INSYN2A: variants seen among roughly 807,000 people sequenced by gnomAD.
INSYN2A encodes the protein family with sequence similarity 196 member A.
Under a neutral mutation model 39.4 loss-of-function variants are expected in INSYN2A, and 17 were observed. That is an observed-to-expected ratio of 0.43 (90% CI 0.30 to 0.65). The LOEUF (loss-of-function observed/expected upper bound fraction) is 0.65. INSYN2A is among the 30% of genes least tolerant of loss of function. The pLI is 0.14. For synonymous variants in INSYN2A, 255 were observed against 265.7 expected, an observed-to-expected ratio of 0.96 and a Z score of 0.39; for missense variants, 595 against 631.2, an observed-to-expected ratio of 0.94 and a Z score of 0.61.
At chr10:127,192,441 G>T (rs2056822944) in intron 2 of INSYN2A, among the ~76,000 whole-genome samples, 164 bp downstream of exon 2, 2 of 152,222 alleles carry the variant, frequency 1.3e-5, no homozygotes, top group African/African-American at 4.8e-5. Flanking sequence ...TCAGCAGAAA[G>T]AGACACATTT....
In INSYN2A at chr10:127,175,575, G is replaced by A. The variant is rs754517108; in HGVS notation, c.821C>T (p.Ala274Val). The A allele has an allele frequency of 2.5e-6, 4 of 1,611,832 alleles. No individual in the cohort carries two copies. The East Asian group carries it at 8.9e-5, about 36-fold the overall frequency. ...RAPEPGLSDSAAASQWSLCPA... is the reference protein window; with the variant it reads ...RAPEPGLSDSVAASQWSLCPA... ...GCAGAGTGACCACTGGCTGGCGGCT[G>A]CAGAGTCTGACAAACCAGGCTCGGG... The change falls in exon 4 of 6, where the codon GCA becomes GTA. Residue 274 changes from alanine (A) to valine (V), a missense_variant. This residue lies in a region of INSYN2A where 478 missense variants were observed against 467.4 expected (regional missense o/e 1.02). Transcript: ENST00000522781. This position sits in a 1 kb window ranked among gnomAD's most constrained non-coding sequence, Gnocchi z 6.3.
chr10:127,181,406 T>A (rs1187680030), intron 2 of INSYN2A, among the ~76,000 whole-genome samples: 1 of 152,208 alleles, frequency 6.6e-6, no homozygotes, highest in Non-Finnish European at 1.5e-5. Flanking sequence ...ATGTCCGTGC[T>A]GATTTGCAGG....
At chr10:127,184,343 C>T (rs1240910360) in intron 2 of INSYN2A, among the ~76,000 whole-genome samples, 2 of 144,880 alleles carry the variant, frequency 1.4e-5, no homozygotes, top group African/African-American at 2.7e-5. Flanking sequence ...CCAAATCAGT[C>T]GTCACCATGC....
At chr10:127,139,120 A>C (rs1416433830) in intron 5 of INSYN2A, among the ~76,000 whole-genome samples, 1 of 152,164 alleles carries the variant, frequency 6.6e-6, no homozygotes, top group Non-Finnish European at 1.5e-5. Flanking sequence ...ATGTCAGTAG[A>C]TTTCAGTAAA....
intron 5 of INSYN2A, among the ~76,000 whole-genome samples, chr10:127,148,730 A>G (rs1404238002): frequency 1.3e-5 from 2 of 152,248 alleles, no homozygotes; most frequent in East Asian, 3.8e-4. Flanking sequence ...TTAGTAATTT[A>G]TCCACAAAAC....
chr10:127,148,879 C>T (rs1222379949), intron 5 of INSYN2A, among the ~76,000 whole-genome samples: 4 of 152,144 alleles, frequency 2.6e-5, no homozygotes, highest in East Asian at 1.9e-4. Context: ...GTAGCACAGT[C>T]GGTCTGCATC....
At chr10:127,195,211 C>T (rs1186578602) in intron 1 of INSYN2A, among the ~76,000 whole-genome samples, 1 of 152,184 alleles carries the variant, frequency 6.6e-6, no homozygotes, top group Non-Finnish European at 1.5e-5. Flanking sequence ...TGCAGACTCT[C>T]GCTCTTGACT....
chr10:127,185,363 TA>T (rs2056132108), intron 2 of INSYN2A, among the ~76,000 whole-genome samples: 1 of 152,124 alleles, frequency 6.6e-6, no homozygotes, highest in Non-Finnish European at 1.5e-5. Flanking sequence ...CCGTCTCTAC[TA>T]AAAATACAAA....
chr10:127,183,557 TG>T (rs1191845354), intron 2 of INSYN2A, among the ~76,000 whole-genome samples: 3 of 152,194 alleles, frequency 2.0e-5, no homozygotes, highest in Non-Finnish European at 4.4e-5. Flanking sequence ...AACCTGCACT[TG>T]GGGTCCATGT....
chr10:127,149,103 C>G (rs902672671), intron 5 of INSYN2A, among the ~76,000 whole-genome samples: 1 of 152,156 alleles, frequency 6.6e-6, no homozygotes, highest in African/African-American at 2.4e-5. Context: ...TTGTGACTCT[C>G]CACACTTTTA....
At chr10:127,156,597 C>T (rs1427052276) in intron 4 of INSYN2A, among the ~76,000 whole-genome samples, 8 of 82,018 alleles carry the variant, frequency 9.8e-5, no homozygotes, top group Non-Finnish European at 1.3e-4. Context: ...GACCAAGTTT[C>T]GCTCTTGTTG....
intron 5 of INSYN2A, among the ~76,000 whole-genome samples, chr10:127,141,214 C>T (rs560267040): frequency 3.3e-4 from 51 of 152,334 alleles, no homozygotes; most frequent in Middle Eastern, 6.8e-3. Flanking sequence ...TGTTTTTGCA[C>T]TAACCACAGA....
intron 4 of INSYN2A, among the ~76,000 whole-genome samples, chr10:127,170,907 T>C (rs1405490960): frequency 6.6e-6 from 1 of 152,208 alleles, no homozygotes; most frequent in African/African-American, 2.4e-5. Flanking sequence ...AGCAGAGTGA[T>C]TTTAGTGAAT....
At chr10:127,148,171 C>T (rs1404103210) in intron 5 of INSYN2A, among the ~76,000 whole-genome samples, 1 of 152,118 alleles carries the variant, frequency 6.6e-6, no homozygotes, top group Admixed American at 6.6e-5. Flanking sequence ...GGTGTGGAGC[C>T]TTGTGGCGTT....
At chr10:127,153,817 A>G (rs1171103090) in intron 5 of INSYN2A, 35 bp downstream of exon 5, 4 of 1,499,522 alleles carry the variant, frequency 2.7e-6, no homozygotes, top group Non-Finnish European at 3.7e-6. Context: ...TGTCACTCAT[A>G]ATAAGAAAGT....
intron 5 of INSYN2A, among the ~76,000 whole-genome samples, chr10:127,139,989 A>G (rs1564833813): frequency 6.6e-6 from 1 of 152,236 alleles, no homozygotes; most frequent in Non-Finnish European, 1.5e-5. Flanking sequence ...GAGCCTGTCA[A>G]TCGAGTCTGT....
At chr10:127,187,871 C>T (rs2134054165) in intron 2 of INSYN2A, among the ~76,000 whole-genome samples, 1 of 152,246 alleles carries the variant, frequency 6.6e-6, no homozygotes, top group South Asian at 2.1e-4. Flanking sequence ...AGACTGGGTT[C>T]CACTGTTTGT....
intron 4 of INSYN2A, among the ~76,000 whole-genome samples, chr10:127,173,475 G>A (rs548193981): frequency 1.5e-4 from 23 of 152,208 alleles, no homozygotes; most frequent in African/African-American, 5.3e-4. Flanking sequence ...TATATCGTAC[G>A]GTTTTCCTTT....
intron 2 of INSYN2A, among the ~76,000 whole-genome samples, chr10:127,188,044 G>A (rs897754239): frequency 5.3e-5 from 8 of 152,312 alleles, no homozygotes; most frequent in East Asian, 1.9e-4. Flanking sequence ...TTGACTGAAC[G>A]AAGGGCTTAA....
Sources: allele counts gnomAD v4.1 joint callset (sites outside exome capture counted in the v4.1 genomes callset), GRCh38; gene constraint gnomAD v4.1.1; regional missense constraint gnomAD v4.1.1; non-coding constraint Gnocchi (gnomAD v3.1); transcripts MANE v1.5; gene names NCBI Gene and HGNC (gene_info 2026-07-23, HGNC 2026-07-21).